The following STK24 variants were observed in gnomAD, a reference collection of about 807,000 sequenced individuals.
STK24 encodes serine/threonine kinase 24, also known as serine/threonine-protein kinase 24.
In STK24, 21 loss-of-function variants were observed where a neutral mutation model predicts 55.6. That is an observed-to-expected ratio of 0.38 (90% CI 0.27 to 0.54). STK24 has a LOEUF of 0.54. STK24 is among the 20% of genes least tolerant of loss of function. The pLI is 0.79. For synonymous variants in STK24, 200 were observed against 215.2 expected, an observed-to-expected ratio of 0.93 and a Z score of 0.62; for missense variants, 383 against 538.4, an observed-to-expected ratio of 0.71 and a Z score of 2.86.
At chr13:98,463,598 AAC>A in intron 7 of STK24, 91 bp downstream of exon 7, 2 of 1,419,830 alleles carry the variant, frequency 1.4e-6, no homozygotes, top group Non-Finnish European at 1.9e-6. Context: ...AAAAAAAAAA[AAC>A]TCAACAGAAA....
At chr13:98,522,003 T>C (rs1356622576) in intron 1 of STK24, 2 of 1,435,062 alleles carry the variant, frequency 1.4e-6, no homozygotes, top group African/African-American at 2.9e-5. Flanking sequence ...CCCAAAGCCC[T>C]CCTCCTCCAC....
In STK24 at chr13:98,469,037, G is replaced by A. The variant is rs188171401; in HGVS notation, c.598-2476C>T. Among the ~76,000 whole-genome samples, 413 of 152,340 alleles carry A rather than the reference G, an allele frequency of 2.7e-3. 1 individual carries two copies. The highest frequency in any genetic ancestry group is 4.1e-3 in the Non-Finnish European group (281 of 68,032). ...TCTGCTGAGAGTACGTCGGTGATGC[G>A]CTTGCCTTGATTTTACTCAGAGGCC... On this transcript the variant is annotated intron_variant, in intron 5 of 10. Coordinates refer to ENST00000539966, the MANE Select transcript of STK24 (RefSeq NM_001032296.4).
Position 98,448,236 on chromosome 13 carries a change from G to A in STK24, c.*4937C>T. ...ACTAACTGGCGTTCCCGTGTTGCAG[G>A]TGGATGGAAGTGATCCGCAGTGCCA... is the stretch of plus-strand genomic sequence containing the variant. On this transcript the variant is annotated 3_prime_UTR_variant, in exon 11 of 11. Transcript: ENST00000539966. 1.2e-6 allele frequency: 2 copies of A among 1,613,662 alleles called. No individual in the cohort carries two copies. The highest frequency in any genetic ancestry group is 1.7e-6 in the Non-Finnish European group (2 of 1,179,570).
At chr13:98,505,646 T>A (rs1895655848) in intron 2 of STK24, among the ~76,000 whole-genome samples, 1 of 152,242 alleles carries the variant, frequency 6.6e-6, no homozygotes, top group Non-Finnish European at 1.5e-5. Flanking sequence ...CCTAATCTAG[T>A]GCAACAATGA....
intron 5 of STK24, among the ~76,000 whole-genome samples, chr13:98,466,859 TAA>T (rs1893943877): frequency 2.1e-5 from 3 of 146,044 alleles, no homozygotes; most frequent in Admixed American, 1.3e-4. Context: ...GCAGGACCAG[TAA>T]GAGAGGTGAG....
chr13:98,526,031 G>A (rs1896417854), intron 1 of STK24, among the ~76,000 whole-genome samples: 1 of 152,218 alleles, frequency 6.6e-6, no homozygotes, highest in Admixed American at 6.5e-5. Context: ...GGTAAGTCAG[G>A]GTTGGTCAGC....
In STK24 at chr13:98,447,918, G is replaced by GT. The variant is rs1566330565; in HGVS notation, c.*5254_*5255insA. ...GATGGGACACGTCCCGCCATTCTCTGCCATGTCCATGAAAATAGGAGGTAG... is the reference window on the plus strand; with the variant it reads ...GATGGGACACGTCCCGCCATTCTCTGTCCATGTCCATGAAAATAGGAGGTAG... On this transcript the variant is annotated 3_prime_UTR_variant, in exon 11 of 11. Transcript: ENST00000539966. 9.1e-5 allele frequency: 36 copies of GT among 394,184 alleles called. No individual in the cohort carries two copies. Among genetic ancestry groups the GT allele is most frequent in the Non-Finnish European group, 1.6e-4 (34 of 216,142 alleles). The allele number at this position is 394,184 out of a possible 1,614,324, so 24.4% of individuals were successfully genotyped here.
chr13:98,527,659 C>A (rs1477219011), intron 1 of STK24, among the ~76,000 whole-genome samples: 4 of 152,158 alleles, frequency 2.6e-5, no homozygotes, highest in Admixed American at 6.5e-5. Context: ...ACAGGCCCCG[C>A]AGGCAAACCT....
intron 2 of STK24, among the ~76,000 whole-genome samples, chr13:98,488,896 A>G (rs1007958027): frequency 9.9e-5 from 15 of 152,238 alleles, no homozygotes; most frequent in Admixed American, 5.2e-4. Context: ...TCTGCTCTGC[A>G]CCTGAAATGC....
chr13:98,480,509 A>G (rs1391455303), intron 3 of STK24, among the ~76,000 whole-genome samples: 1 of 152,338 alleles, frequency 6.6e-6, no homozygotes, highest in Admixed American at 6.5e-5. Context: ...AATAAGTTGT[A>G]AAAGTAATCC....
intron 2 of STK24, among the ~76,000 whole-genome samples, chr13:98,485,158 C>T (rs549945042): frequency 9.2e-5 from 14 of 152,342 alleles, no homozygotes; most frequent in Middle Eastern, 3.4e-3. Context: ...ACAGAGCCGA[C>T]TCATCAAGAC....
At chr13:98,558,724 G>A (rs754977873) in intron 1 of STK24, among the ~76,000 whole-genome samples, 8 of 152,200 alleles carry the variant, frequency 5.3e-5, no homozygotes, top group Non-Finnish European at 1.2e-4. Flanking sequence ...ATATGCAGGC[G>A]ACTAACCAAC....
intron 3 of STK24, among the ~76,000 whole-genome samples, chr13:98,478,713 C>T (rs1202672283): frequency 6.6e-6 from 1 of 152,162 alleles, no homozygotes; most frequent in South Asian, 2.1e-4. Context: ...TTTTTAAGTC[C>T]GTCAAACATC....
chr13:98,576,689 A>G, intron 1 of STK24, 56 bp downstream of exon 1: 1 of 1,407,046 alleles, frequency 7.1e-7, no homozygotes. Context: ...GATACCGCCA[A>G]GTTGCTGCTT....
At chr13:98,572,711 T>G (rs960016802) in intron 1 of STK24, among the ~76,000 whole-genome samples, 1 of 152,208 alleles carries the variant, frequency 6.6e-6, no homozygotes, top group East Asian at 1.9e-4. Context: ...GACAGGATGA[T>G]GTTAACAAGA....
Position 98,449,398 on chromosome 13 carries a change from A to G in STK24, c.*3775T>C, listed in dbSNP as rs1040777050. ...GGACTGCACAGGGAACACGGTTTCC[A>G]GTGGCTTTGGCCCCTACTCGGGAAA... On this transcript the variant is annotated 3_prime_UTR_variant, in exon 11 of 11. Coordinates refer to ENST00000539966, the MANE Select transcript of STK24 (RefSeq NM_001032296.4). The G allele has an allele frequency of 6.6e-6, 1 of 152,110 alleles. No homozygotes were observed. The highest frequency in any genetic ancestry group is 2.4e-5 in the African/African-American group (1 of 41,414). 9.4% of individuals were successfully genotyped at this position (152,110 alleles called of 1,614,324 possible).
chr13:98,519,842 A>G (rs1896198328), intron 1 of STK24, among the ~76,000 whole-genome samples: 1 of 152,252 alleles, frequency 6.6e-6, no homozygotes, highest in Non-Finnish European at 1.5e-5. Context: ...TCTAAGCAAA[A>G]ATTCACTTTT....
At chr13:98,576,061 G>A in intron 1 of STK24, 1 of 984,996 alleles carries the variant, frequency 1.0e-6, no homozygotes, top group Non-Finnish European at 1.2e-6. Flanking sequence ...GAAAGTCCAG[G>A]GTCCCGGGGC....
intron 1 of STK24, among the ~76,000 whole-genome samples, chr13:98,536,282 A>G (rs909436176): frequency 6.6e-6 from 1 of 152,102 alleles, no homozygotes; most frequent in Non-Finnish European, 1.5e-5. Flanking sequence ...CCAGGCCAAC[A>G]CACTTCAGTA....
Sources: allele counts gnomAD v4.1 joint callset (sites outside exome capture counted in the v4.1 genomes callset), GRCh38; gene constraint gnomAD v4.1.1; transcripts MANE v1.5; gene names NCBI Gene and HGNC (gene_info 2026-07-23, HGNC 2026-07-21).